Variants in TMCO4 observed in about 807,000 individuals in gnomAD.
TMCO4 encodes transmembrane and coiled-coil domain-containing protein 4.
A neutral mutation model predicts 64.7 loss-of-function variants in TMCO4; 58 were observed. That is an observed-to-expected ratio of 0.90 (90% CI 0.73 to 1.12). The LOEUF is 1.12. Ranked by LOEUF, TMCO4 falls within the 50% of genes most tolerant of loss-of-function variation. The pLI, the probability that TMCO4 is intolerant of heterozygous loss-of-function variation, is 0.00. For synonymous variants in TMCO4, 325 were observed against 346.1 expected, an observed-to-expected ratio of 0.94 and a Z score of 0.68; for missense variants, 780 against 825.9, an observed-to-expected ratio of 0.94 and a Z score of 0.68.
chr1:19,742,344 G>C lies in TMCO4; in HGVS notation c.878-1403C>G, dbSNP rs578103020. Among the ~76,000 whole-genome samples the C allele has an allele frequency of 3.3e-5, 5 of 152,300 alleles. No homozygotes were observed. The East Asian group carries it at 9.7e-4, about 29-fold the overall frequency. On this transcript the variant is annotated intron_variant, in intron 10 of 15. Transcript: ENST00000294543. Reference sequence around the variant, plus strand: ...CCAAAGCCTGGTGATGTGATGTACAGTAAGTGCTCATTAAACACCATGTGG... The same window carrying C: ...CCAAAGCCTGGTGATGTGATGTACACTAAGTGCTCATTAAACACCATGTGG...
chr1:19,741,580 C>T (rs137944808), intron 10 of TMCO4, among the ~76,000 whole-genome samples: 13 of 152,194 alleles, frequency 8.5e-5, no homozygotes, highest in African/African-American at 2.4e-4. Flanking sequence ...CTGTAGCGGC[C>T]GATGCCAAGT....
chr1:19,733,025 G>A lies in TMCO4; in HGVS notation c.1264+4347C>T, dbSNP rs534868679. ...TCACGCCTGTAATGCCAGCACTTTG[G>A]GAGGCCGAGGTGGGTGGATCACTTG... is the stretch of plus-strand genomic sequence containing the variant. On this transcript the variant is annotated intron_variant, in intron 13 of 15. Coordinates refer to ENST00000294543, the MANE Select transcript of TMCO4 (RefSeq NM_181719.7). Among the ~76,000 whole-genome samples the A allele has an allele frequency of 8.3e-4, 127 of 152,248 alleles. 1 individual carries two copies. The highest frequency in any genetic ancestry group is 1.4e-3 in the Non-Finnish European group (95 of 68,030).
intron 2 of TMCO4, among the ~76,000 whole-genome samples, chr1:19,787,596 T>G (rs1306540101): frequency 6.6e-6 from 1 of 152,154 alleles, no homozygotes; most frequent in Non-Finnish European, 1.5e-5. Context: ...CTTTCTCACA[T>G]GCCAATGGAG....
chr1:19,736,095 C>T (rs543257397), intron 13 of TMCO4, among the ~76,000 whole-genome samples: 7 of 152,282 alleles, frequency 4.6e-5, no homozygotes, highest in Middle Eastern at 3.4e-3. Flanking sequence ...CTCATAGAAT[C>T]GTGAGAAATG....
At chr1:19,693,458 A>G (rs1437601702) in intron 15 of TMCO4, among the ~76,000 whole-genome samples, 2 of 152,152 alleles carry the variant, frequency 1.3e-5, no homozygotes, top group Non-Finnish European at 2.9e-5. Flanking sequence ...AGACTGGGCA[A>G]CAGAGTGAGA....
intron 13 of TMCO4, among the ~76,000 whole-genome samples, chr1:19,716,747 T>A (rs2095358620): frequency 6.6e-6 from 1 of 152,104 alleles, no homozygotes; most frequent in Non-Finnish European, 1.5e-5. Context: ...GCCGTGCAGA[T>A]GGAGGAGACA....
At position 19,755,669 on chromosome 1, in the gene TMCO4, C is replaced by T. The variant is rs1010040375; in HGVS notation, c.480G>A (p.Leu160=). 6.2e-7 allele frequency: 1 copy of T among 1,614,136 alleles called. No homozygotes were observed. The highest frequency in any genetic ancestry group is 8.5e-7 in the Non-Finnish European group (1 of 1,180,016). ...CTTCTTTGATTTCCTTCAGGCTCTC[C>T]AGGAACATCTCTTCAAGGACATCCA... ...EELDVLEEMF[L]ESLKEIKEEE... The change falls in exon 7 of 16, where the codon CTG becomes CTA. Residue 160 remains leucine, a synonymous_variant. Coordinates refer to ENST00000294543, the MANE Select transcript of TMCO4 (RefSeq NM_181719.7).
chr1:19,764,996 C>T (rs1052813356), intron 6 of TMCO4, among the ~76,000 whole-genome samples: 1 of 152,080 alleles, frequency 6.6e-6, no homozygotes, highest in African/African-American at 2.4e-5. Flanking sequence ...AAATACCAGG[C>T]CAGAAAGCAG....
chr1:19,739,766 T>C, intron 12 of TMCO4, 58 bp downstream of exon 12: 1 of 1,579,326 alleles, frequency 6.3e-7, no homozygotes, highest in Non-Finnish European at 8.6e-7. Flanking sequence ...TGTGAACAAG[T>C]CAGCACCTGA....
In TMCO4 at chr1:19,775,082, GAGAC is replaced by G. The variant is rs1049309240; in HGVS notation, c.180-3604_180-3601del. On this transcript the variant is annotated intron_variant, in intron 4 of 15. Coordinates refer to ENST00000294543, the MANE Select transcript of TMCO4 (RefSeq NM_181719.7). ...TTGGTTTGTTTGTTTGTTTGTTTTT[GAGAC>G]AGAATTTCACTCTTGTTGCCCAGGC... Among the ~76,000 whole-genome samples the G allele has an allele frequency of 2.4e-3, 363 of 152,244 alleles. 2 individuals are homozygous for G. Among genetic ancestry groups the G allele is most frequent in the African/African-American group, 8.4e-3 (347 of 41,540 alleles).
At chr1:19,768,865 C>T (rs771603271) in intron 6 of TMCO4, among the ~76,000 whole-genome samples, 92 of 152,092 alleles carry the variant, frequency 6.0e-4, no homozygotes, top group Non-Finnish European at 7.6e-4. Flanking sequence ...CCAGCAGTGC[C>T]GATGCTGCTG....
At chr1:19,797,846 A>G (rs2044386227) in intron 2 of TMCO4, among the ~76,000 whole-genome samples, 1 of 136,026 alleles carries the variant, frequency 7.4e-6, no homozygotes, top group South Asian at 2.8e-4. Context: ...CCTGGGTGAC[A>G]GAGTGAGACT....
rs770360478 is a variant in TMCO4 at position 19,771,394 on chromosome 1, C to T, written c.268G>A (p.Gly90Ser). 3.0e-5 allele frequency: 49 copies of T among 1,614,050 alleles called. No homozygotes were observed. Among genetic ancestry groups the T allele is most frequent in the South Asian group, 2.6e-4 (24 of 91,090 alleles). The change falls in exon 5 of 16, where the codon GGC becomes AGC. Residue 90 changes from glycine (G) to serine (S), a missense_variant. Coordinates refer to ENST00000294543, the MANE Select transcript of TMCO4 (RefSeq NM_181719.7). ...ACATCTGCTCCTTCACCTCCCAGGC[C>T]GCTCGCAAAAGCAGTCATGGTTGGC... ...VLPTMTAFAS[G>S]LGGEGADVFV...
At chr1:19,717,527 C>T (rs1311221392) in intron 13 of TMCO4, among the ~76,000 whole-genome samples, 1 of 152,258 alleles carries the variant, frequency 6.6e-6, no homozygotes, top group Non-Finnish European at 1.5e-5. Flanking sequence ...CCAAGCCCTG[C>T]ATTTTGGACC....
At position 19,714,697 on chromosome 1, in the gene TMCO4, C is replaced by T. The variant is rs191826725; in HGVS notation, c.1265-13812G>A. On this transcript the variant is annotated intron_variant, in intron 13 of 15. Transcript: ENST00000294543. ...CACCACTTTGGGTGGCTGAGGCGAG[C>T]GGGTCACCTGAGGCCAGGAGTTCGG... Among the ~76,000 whole-genome samples, 212 of 152,032 alleles carry T rather than the reference C, an allele frequency of 1.4e-3. 1 individual carries two copies. The highest frequency in any genetic ancestry group is 4.8e-3 in the African/African-American group (199 of 41,466).
intron 4 of TMCO4, among the ~76,000 whole-genome samples, chr1:19,771,814 G>A (rs12072945): frequency 0.18 from 27,478 of 151,920 alleles, 2,715 homozygotes; most frequent in East Asian, 0.35. Context: ...CCGCCACCAC[G>A]CTTGGCTATT....
chr1:19,757,682 C>T (rs767429289), intron 6 of TMCO4, among the ~76,000 whole-genome samples: 5 of 152,036 alleles, frequency 3.3e-5, no homozygotes, highest in Non-Finnish European at 7.4e-5. Flanking sequence ...TTACACAGAC[C>T]TCTCTCTCAG....
chr1:19,692,909 C>T (rs12404872), intron 15 of TMCO4, among the ~76,000 whole-genome samples: 17,982 of 143,496 alleles, frequency 0.13, 1,328 homozygotes, highest in East Asian at 0.29. Flanking sequence ...CGGTGGCTCA[C>T]GCCTGTAATC....
At chr1:19,770,046 T>C (rs980084782) in intron 6 of TMCO4, among the ~76,000 whole-genome samples, 4 of 152,198 alleles carry the variant, frequency 2.6e-5, no homozygotes, top group Non-Finnish European at 4.4e-5. Context: ...CACCAGGGCC[T>C]GAGAGCCACA....
Sources: allele counts gnomAD v4.1 joint callset (sites outside exome capture counted in the v4.1 genomes callset), GRCh38; gene constraint gnomAD v4.1.1; transcripts MANE v1.5; gene names NCBI Gene and HGNC (gene_info 2026-07-23, HGNC 2026-07-21).